COL4A5: variants seen among roughly 807,000 people sequenced by gnomAD.
The protein encoded by COL4A5 is collagen alpha-5(IV) chain.
Under a neutral mutation model 130.2 loss-of-function variants are expected in COL4A5, and 26 were observed. The observed-to-expected ratio is 0.20, with a 90% CI of 0.15 to 0.28. COL4A5 has a LOEUF of 0.28. COL4A5 is among the 10% of genes least tolerant of loss of function. The pLI, the probability that COL4A5 is intolerant of heterozygous loss-of-function variation, is 1.00. For missense variants in COL4A5, 1,131 were observed against 1,344.3 expected, an observed-to-expected ratio of 0.84 and a Z score of 2.48; for synonymous variants, 496 against 439.6, an observed-to-expected ratio of 1.13 and a Z score of -1.60.
chrX:108,446,562 G>A (rs1224845785), intron 1 of COL4A5, among the ~76,000 whole-genome samples: 1 of 111,715 alleles, frequency 9.0e-6, no homozygotes, highest in Non-Finnish European at 1.9e-5. Context: ...CTTTTTTAGT[G>A]GTTACTATGT....
Position 108,697,485 on chromosome X carries a change from T to A in COL4A5, c.*1107T>A, listed in dbSNP as rs1488074064. ...CCTTATTTCCCTAGCTATCATCTCC[T>A]GACTTAATGTTTTTTAAACCCACCA... On this transcript the variant is annotated 3_prime_UTR_variant, in exon 53 of 53. Coordinates refer to ENST00000328300, the MANE Select transcript of COL4A5 (RefSeq NM_033380.3). The A allele has an allele frequency of 9.0e-6, 1 of 111,286 alleles. No individual in the cohort carries two copies. Among genetic ancestry groups the A allele is most frequent in the African/African-American group, 3.3e-5 (1 of 30,678 alleles). The allele number at this position is 111,286 out of a possible 1,213,427, so 9.2% of individuals were successfully genotyped here.
At chrX:108,686,981 C>T (rs1042281408) in intron 48 of COL4A5, among the ~76,000 whole-genome samples, 3 of 111,638 alleles carry the variant, frequency 2.7e-5, no homozygotes, top group Non-Finnish European at 3.8e-5. Context: ...CACAGACTGT[C>T]CAAAGGCCTG....
At chrX:108,580,962 T>C in intron 15 of COL4A5, 21 bp from the exon 16 acceptor site, 2 of 1,197,146 alleles carry the variant, frequency 1.7e-6, no homozygotes, top group Non-Finnish European at 2.3e-6. Flanking sequence ...TGTTGCCCTA[T>C]CATTTCTTTG....
intron 2 of COL4A5, among the ~76,000 whole-genome samples, chrX:108,550,181 C>G (rs944918817): frequency 6.3e-5 from 7 of 111,092 alleles, no homozygotes; most frequent in African/African-American, 2.3e-4. Context: ...TTTTGTGAAG[C>G]AAGCAAAGCC....
chrX:108,567,800 G>A (rs1354842604), intron 4 of COL4A5, among the ~76,000 whole-genome samples: 1 of 111,491 alleles, frequency 9.0e-6, no homozygotes, highest in Non-Finnish European at 1.9e-5. Flanking sequence ...CACAAGAACA[G>A]TATGGGGGAA....
In COL4A5 at chrX:108,577,989, T is replaced by C. The variant is rs1569490387; in HGVS notation, c.645+2T>C. On this transcript the variant is annotated splice_donor_variant, in intron 11 of 52. Coordinates refer to ENST00000328300, the MANE Select transcript of COL4A5 (RefSeq NM_033380.3). LOFTEE classifies it high-confidence loss of function. ...CCACCAGGACTTCCAGGACCTAAGG[T>C]AATTTTCTTTTTCTTTATATCTTTT... The C allele has an allele frequency of 8.3e-7, 1 of 1,205,047 alleles. No homozygotes were observed. Among genetic ancestry groups the C allele is most frequent in the Non-Finnish European group, 1.1e-6 (1 of 890,246 alleles).
At chrX:108,566,587 C>T (rs1388557993) in intron 4 of COL4A5, among the ~76,000 whole-genome samples, 1 of 108,817 alleles carries the variant, frequency 9.2e-6, no homozygotes, top group Non-Finnish European at 1.9e-5. Context: ...CTCGCTCTGT[C>T]GCCCAGGCTG....
intron 36 of COL4A5, among the ~76,000 whole-genome samples, chrX:108,640,013 A>G (rs773280550): frequency 1.2e-4 from 13 of 112,136 alleles, no homozygotes; most frequent in Non-Finnish European, 2.4e-4. Flanking sequence ...TTATCATATG[A>G]TCTAGCAATT....
intron 1 of COL4A5, among the ~76,000 whole-genome samples, chrX:108,460,687 T>A (rs1481336096): frequency 1.1e-5 from 1 of 89,156 alleles, no homozygotes; most frequent in African/African-American, 4.7e-5. Context: ...TTTTTTTTTT[T>A]AGTAGAGATG....
intron 37 of COL4A5, among the ~76,000 whole-genome samples, chrX:108,663,944 T>C (rs2068019211): frequency 8.9e-6 from 1 of 111,843 alleles, no homozygotes; most frequent in Non-Finnish European, 1.9e-5. Flanking sequence ...CCCAGCACTT[T>C]GTGAGGCTGA....
rs2066186487 is a variant in COL4A5, at chrX:108,578,221, C to G, written c.688-70C>G. ...CTCTTGCTTCTTGAAGTTATCTTAT[C>G]TTACATGTTATATTACTGTCTGTGG... is the stretch of plus-strand genomic sequence containing the variant. On this transcript the variant is annotated intron_variant, in intron 12 of 52. Coordinates refer to ENST00000328300, the MANE Select transcript of COL4A5 (RefSeq NM_033380.3). The G allele has an allele frequency of 3.6e-6, 4 of 1,118,215 alleles. No homozygotes were observed. In the East Asian group the frequency reaches 1.2e-4, roughly 33 times the overall value. 92.2% of individuals were successfully genotyped at this position (1,118,215 alleles called of 1,213,427 possible). A position where few individuals can be genotyped will look rare whatever the true frequency, so the allele number is the denominator to read the frequency against.
chrX:108,583,854 G>A (rs1291844747), intron 17 of COL4A5, among the ~76,000 whole-genome samples: 1 of 109,905 alleles, frequency 9.1e-6, no homozygotes, highest in East Asian at 2.8e-4. Flanking sequence ...TGAATATTGT[G>A]GTTTTTTTCA....
At chrX:108,647,575 T>C (rs999185841) in intron 36 of COL4A5, among the ~76,000 whole-genome samples, 5 of 111,336 alleles carry the variant, frequency 4.5e-5, no homozygotes, top group Non-Finnish European at 9.4e-5. Context: ...CCCTTTATTT[T>C]CTTCTCCTGC....
intron 8 of COL4A5, among the ~76,000 whole-genome samples, chrX:108,572,773 AT>A (rs1388093732): frequency 8.9e-6 from 1 of 111,880 alleles, no homozygotes; most frequent in African/African-American, 3.2e-5. Flanking sequence ...GTGTTCATTG[AT>A]AATTTAATAT....
In COL4A5 at chrX:108,439,927, G is replaced by C. The variant is rs775676979; in HGVS notation, c.-199G>C. On this transcript the variant is annotated 5_prime_UTR_variant, in exon 1 of 53. Coordinates refer to ENST00000328300, the MANE Select transcript of COL4A5 (RefSeq NM_033380.3). ...AGAGACCGGCTTTGGGGAGGGGAGG[G>C]GGGAAGGAAGAGTAGCTCCTTCTTC... The C allele has an allele frequency of 2.3e-6, 1 of 432,677 alleles. No individual in the cohort carries two copies. The highest frequency in any genetic ancestry group is 3.8e-5 in the East Asian group (1 of 26,099). 35.7% of individuals were successfully genotyped at this position (432,677 alleles called of 1,213,427 possible). A position where few individuals can be genotyped will look rare whatever the true frequency, so the allele number is the denominator to read the frequency against.
intron 36 of COL4A5, among the ~76,000 whole-genome samples, chrX:108,637,957 T>C (rs756510031): frequency 9.1e-6 from 1 of 109,338 alleles, no homozygotes; most frequent in Non-Finnish European, 1.9e-5. Flanking sequence ...TGGGCTCAAG[T>C]GATCTTCAGC....
chrX:108,456,868 C>T (rs1333727527), intron 1 of COL4A5, among the ~76,000 whole-genome samples: 1 of 111,860 alleles, frequency 8.9e-6, no homozygotes, highest in African/African-American at 3.3e-5. Context: ...AATAGTCAAG[C>T]CTTTAATCAC....
Position 108,591,450 on chromosome X carries a change from T to C in COL4A5, c.1340-111T>C, listed in dbSNP as rs1603287674. ...GTTATATTTTCCTTTTGCTTATAGG[T>C]ACTTTTATTTCTTCAGAGAATAGGT... On this transcript the variant is annotated intron_variant, in intron 20 of 52. Coordinates refer to ENST00000328300, the MANE Select transcript of COL4A5 (RefSeq NM_033380.3). 1.0e-5 allele frequency: 7 copies of C among 689,470 alleles called. No individual in the cohort carries two copies. The East Asian group carries it at 1.9e-4, about 19-fold the overall frequency. 56.8% of individuals were successfully genotyped at this position (689,470 alleles called of 1,213,427 possible). A position where few individuals can be genotyped will look rare whatever the true frequency, so the allele number is the denominator to read the frequency against.
chrX:108,505,274 C>T lies in COL4A5; in HGVS notation c.82-34472C>T, dbSNP rs907065509. On this transcript the variant is annotated intron_variant, in intron 1 of 52. Transcript: ENST00000328300. Reference sequence around the variant, plus strand: ...GGATAAAAAAAAAAAACTACATACTCAGTACAGTGTACATTATTTGGGTGT... The same window carrying T: ...GGATAAAAAAAAAAAACTACATACTTAGTACAGTGTACATTATTTGGGTGT... Among the ~76,000 whole-genome samples, 7 of 109,591 alleles carry T rather than the reference C, an allele frequency of 6.4e-5. No individual in the cohort carries two copies. The East Asian group carries it at 2.0e-3, about 32-fold the overall frequency.
Sources: gnomAD v4.1 joint callset for allele counts (sites outside exome capture counted in the v4.1 genomes callset) on GRCh38, gnomAD v4.1.1 for gene constraint, MANE v1.5 for transcripts, NCBI Gene and HGNC (gene_info 2026-07-23, HGNC 2026-07-21) for gene names.